TRIM37: variants seen among roughly 807,000 people sequenced by gnomAD.
TRIM37 encodes E3 ubiquitin-protein ligase TRIM37.
A neutral mutation model predicts 129.8 loss-of-function variants in TRIM37; 80 were observed. That is an observed-to-expected ratio of 0.62 (90% CI 0.51 to 0.74). The LOEUF (loss-of-function observed/expected upper bound fraction) is 0.74. Among genes scored for constraint, TRIM37 ranks in the 30% least tolerant of loss-of-function variants. The pLI is 0.00. For missense variants in TRIM37, 1,054 were observed against 1,176.5 expected (o/e 0.90, Z 1.52); for synonymous variants, 389 against 387.1 (o/e 1.00, Z -0.06).
At chr17:58,990,320 A>C (rs891214076) in intron 24 of TRIM37, among the ~76,000 whole-genome samples, 2 of 151,356 alleles carry the variant, frequency 1.3e-5, no homozygotes, top group Non-Finnish European at 2.9e-5. Context: ...GAGAAACCCT[A>C]TCTCTACTAA....
At chr17:59,045,277 G>A (rs1014251581) in intron 16 of TRIM37, among the ~76,000 whole-genome samples, 1 of 151,104 alleles carries the variant, frequency 6.6e-6, no homozygotes, top group South Asian at 2.1e-4. Flanking sequence ...TGCAGTGAGC[G>A]GATATTGCGC....
intron 12 of TRIM37, 112 bp downstream of exon 12, chr17:59,060,920 A>G (rs2041431708): frequency 1.3e-6 from 1 of 753,332 alleles, no homozygotes; most frequent in African/African-American, 1.8e-5. Context: ...ATTATTCTAC[A>G]TCTTAACAGA....
At chr17:59,001,554 C>T (rs761579440) in intron 23 of TRIM37, 44 bp downstream of exon 23, 17 of 1,612,392 alleles carry the variant, frequency 1.1e-5, no homozygotes, top group Non-Finnish European at 1.3e-5. Context: ...GAAGCGGCAG[C>T]GGTGGTTTTA....
At chr17:59,078,502 A>C (rs1474860567) in intron 7 of TRIM37, among the ~76,000 whole-genome samples, 8 of 152,190 alleles carry the variant, frequency 5.3e-5, no homozygotes, top group Non-Finnish European at 8.8e-5. Flanking sequence ...AAACAAGACC[A>C]CATGCAAATG....
chr17:58,980,913 G>C, downstream of TRIM37: 1 of 1,614,148 alleles, frequency 6.2e-7, no homozygotes, highest in East Asian at 2.2e-5. The surrounding 1 kb of genome is among the most constrained non-coding windows in gnomAD (Gnocchi z 4.7). Flanking sequence ...AATAGGATAA[G>C]AAGTTCTCTG....
chr17:59,016,239 C>A (rs1170650535), intron 20 of TRIM37, among the ~76,000 whole-genome samples: 1 of 151,154 alleles, frequency 6.6e-6, no homozygotes, highest in African/African-American at 2.4e-5. Context: ...ACTACAAATA[C>A]AAAAATTAGC....
chr17:59,072,747 C>CA (rs34205408), intron 8 of TRIM37, among the ~76,000 whole-genome samples: 49,901 of 131,894 alleles, frequency 0.38, 8,809 homozygotes, highest in Middle Eastern at 0.56. Context: ...GACTCTGTCT[C>CA]AAAAAAAAAA....
intron 8 of TRIM37, 142 bp downstream of exon 8, chr17:59,075,505 A>G: frequency 3.4e-6 from 2 of 595,000 alleles, no homozygotes; most frequent in South Asian, 2.0e-5. Flanking sequence ...CGGAGTTTAC[A>G]GTGAGCCGAG....
chr17:59,024,233 A>T (rs1488550310), intron 19 of TRIM37, among the ~76,000 whole-genome samples: 1 of 151,430 alleles, frequency 6.6e-6, no homozygotes, highest in African/African-American at 2.4e-5. Flanking sequence ...AAAAAAAAAA[A>T]AAAAAATTGC....
chr17:59,051,250 CTG>C lies in TRIM37; in HGVS notation c.1276_1277del (p.Gln426AspfsTer2). The C allele has an allele frequency of 6.2e-7, 1 of 1,613,732 alleles. No homozygotes were observed. Among genetic ancestry groups the C allele is most frequent in the Non-Finnish European group, 8.5e-7 (1 of 1,179,754 alleles). ...TGTTTATTTGTTGGATATAACTAGT[CTG>C]TGCAGCTTCCAACTGAGTAATGTAC... ...HWYITQLEAA[Q>X]TSYIQQINNL... On this transcript the variant is annotated frameshift_variant, in exon 14 of 24. Coordinates refer to ENST00000262294, the MANE Select transcript of TRIM37 (RefSeq NM_015294.6). LOFTEE classifies it high-confidence loss of function.
At chr17:59,043,590 T>C (rs2039476101) in intron 16 of TRIM37, among the ~76,000 whole-genome samples, 2 of 152,178 alleles carry the variant, frequency 1.3e-5, no homozygotes, top group Non-Finnish European at 2.9e-5. Context: ...AGCTACCTAT[T>C]GCTGATGCTA....
intron 9 of TRIM37, 145 bp from the exon 10 acceptor site, chr17:59,064,550 C>T: frequency 3.2e-6 from 2 of 634,414 alleles, no homozygotes; most frequent in Non-Finnish European, 5.6e-6. Context: ...TTGAACATAA[C>T]ATTAAATCAA....
At chr17:59,023,569 A>G (rs533858563) in intron 19 of TRIM37, among the ~76,000 whole-genome samples, 2 of 151,972 alleles carry the variant, frequency 1.3e-5, no homozygotes, top group African/African-American at 4.8e-5. Flanking sequence ...GCTGGAGAAT[A>G]GCATGAACCC....
At chr17:59,020,613 TCAAA>T (rs1049922739) in intron 19 of TRIM37, among the ~76,000 whole-genome samples, 21 of 152,090 alleles carry the variant, frequency 1.4e-4, no homozygotes, top group African/African-American at 5.1e-4. Flanking sequence ...GACCAGGATC[TCAAA>T]CAACTCTATA....
At chr17:58,981,264 G>A (rs778959735), downstream of TRIM37, 7 of 465,962 alleles carry the variant, frequency 1.5e-5, no homozygotes, top group African/African-American at 4.0e-5. Context: ...GATGTGTCTC[G>A]ACACCAATAC....
intron 3 of TRIM37, among the ~76,000 whole-genome samples, chr17:59,091,035 A>G (rs2044256742): frequency 6.6e-6 from 1 of 152,142 alleles, no homozygotes; most frequent in South Asian, 2.1e-4. Context: ...AAACATTAAA[A>G]ATTTGTTGCT....
At chr17:58,995,940 G>C (rs1302833106), downstream of TRIM37, among the ~76,000 whole-genome samples, 1 of 151,968 alleles carries the variant, frequency 6.6e-6, no homozygotes, top group East Asian at 1.9e-4. Flanking sequence ...CCAGGGGGTT[G>C]AGGCTGTATG....
intron 9 of TRIM37, among the ~76,000 whole-genome samples, chr17:59,066,174 C>T (rs1458699208): frequency 6.6e-6 from 1 of 152,154 alleles, no homozygotes; most frequent in African/African-American, 2.4e-5. Context: ...AGGACCAATG[C>T]AATTAGTGCC....
chr17:59,082,631 T>C (rs536892644), intron 5 of TRIM37, among the ~76,000 whole-genome samples: 2 of 152,162 alleles, frequency 1.3e-5, no homozygotes, highest in Non-Finnish European at 2.9e-5. Flanking sequence ...ACAAATCCAG[T>C]TGCATTCAGC....
Sources: gnomAD v4.1 joint callset for allele counts (sites outside exome capture counted in the v4.1 genomes callset) on GRCh38, gnomAD v4.1.1 for gene constraint, Gnocchi (gnomAD v3.1) non-coding constraint, MANE v1.5 for transcripts, NCBI Gene and HGNC (gene_info 2026-07-23, HGNC 2026-07-21) for gene names.